The following NTN1 variants were observed in gnomAD, a reference collection of about 807,000 sequenced individuals.
NTN1 encodes netrin-1.
A neutral mutation model predicts 54.2 loss-of-function variants in NTN1; 11 were observed. The ratio of observed to expected loss-of-function variants is 0.20; its 90% confidence interval spans 0.13 to 0.34. The LOEUF (loss-of-function observed/expected upper bound fraction) is 0.34. NTN1 is among the 10% of genes least tolerant of loss of function. The pLI is 1.00. For missense variants in NTN1, 740 were observed against 893.1 expected, an observed-to-expected ratio of 0.83 and a Z score of 2.18; for synonymous variants, 371 against 382.0, an observed-to-expected ratio of 0.97 and a Z score of 0.33.
At chr17:9,080,145 CT>C (rs1321601251) in intron 2 of NTN1, among the ~76,000 whole-genome samples, 1 of 152,244 alleles carries the variant, frequency 6.6e-6, no homozygotes, top group Non-Finnish European at 1.5e-5. Context: ...TCCTTGCAGT[CT>C]CCCCAGTGTC....
chr17:9,171,349 C>T (rs3785974), intron 3 of NTN1: 14,822 of 152,268 alleles, frequency 0.097, 959 homozygotes, highest in East Asian at 0.21. Flanking sequence ...ACATGCCCCC[C>T]TCTCCCCACC....
intron 2 of NTN1, among the ~76,000 whole-genome samples, chr17:9,148,250 A>G (rs1597506069): frequency 6.6e-6 from 1 of 152,192 alleles, no homozygotes; most frequent in Non-Finnish European, 1.5e-5. Flanking sequence ...ATTCTTGTTC[A>G]GCAGATTGAG....
chr17:9,016,917 T>A (rs1294792247), upstream of NTN1, among the ~76,000 whole-genome samples: 1 of 152,214 alleles, frequency 6.6e-6, no homozygotes, highest in African/African-American at 2.4e-5. Context: ...CAAACTTCAA[T>A]AGGCCCTTTA....
At chr17:9,015,336 A>C in the NTN1 span, among the ~76,000 whole-genome samples, 5 of 152,060 alleles carry the variant, frequency 3.3e-5, no homozygotes, top group Admixed American at 3.3e-4. Flanking sequence ...GCTTGAACCC[A>C]GGAGGCAGAG....
intron 5 of NTN1, among the ~76,000 whole-genome samples, chr17:9,205,175 C>G (rs1011645151): frequency 6.6e-6 from 1 of 152,164 alleles, no homozygotes; most frequent in African/African-American, 2.4e-5. Context: ...GTGAACACCA[C>G]TTTATCTCCT....
At chr17:9,036,871 G>A (rs1024318308) in intron 2 of NTN1, among the ~76,000 whole-genome samples, 2 of 152,044 alleles carry the variant, frequency 1.3e-5, no homozygotes, top group African/African-American at 4.8e-5. Context: ...GACTGCTCAG[G>A]CTCTAACTGG....
chr17:9,193,920 T>TAAAAAAA (rs71361871), intron 5 of NTN1, among the ~76,000 whole-genome samples: 958 of 44,722 alleles, frequency 0.021, 113 homozygotes, highest in East Asian at 0.07. Context: ...AAACTCCGAC[T>TAAAAAAA]AAAAAAAAAA....
chr17:9,140,329 C>G (rs1389492361), intron 2 of NTN1, among the ~76,000 whole-genome samples: 1 of 152,188 alleles, frequency 6.6e-6, no homozygotes, highest in Non-Finnish European at 1.5e-5. Flanking sequence ...GCACCCCCTG[C>G]CCTGGTGCTG....
rs182682817 is a variant in NTN1 at position 9,135,718 on chromosome 17, C to A, written c.1019-27095C>A. ...CTCCAGGTTGAGGTTCTAGGGCTCC[C>A]TGGAGTAGGCCTGGTGGGGCACTTG... On this transcript the variant is annotated intron_variant, in intron 2 of 6. Coordinates refer to ENST00000173229, the MANE Select transcript of NTN1 (RefSeq NM_004822.3). This position sits in a 1 kb window ranked among gnomAD's most constrained non-coding sequence, Gnocchi z 4.4. Among the ~76,000 whole-genome samples the A allele has an allele frequency of 2.6e-5, 4 of 152,286 alleles. No homozygotes were observed. In the East Asian group the frequency reaches 7.7e-4, roughly 29 times the overall value.
At chr17:9,070,855 G>A (rs1483322453) in intron 2 of NTN1, among the ~76,000 whole-genome samples, 1 of 152,200 alleles carries the variant, frequency 6.6e-6, no homozygotes, top group Non-Finnish European at 1.5e-5. Flanking sequence ...GCCTCCCAAA[G>A]TGCTGGGATT....
chr17:9,128,682 G>A (rs2092254753), intron 2 of NTN1, among the ~76,000 whole-genome samples: 1 of 151,834 alleles, frequency 6.6e-6, no homozygotes, highest in Non-Finnish European at 1.5e-5. Context: ...TTGGTATACC[G>A]GGTCCCTGTG....
intron 5 of NTN1, among the ~76,000 whole-genome samples, chr17:9,201,221 G>A (rs1211333245): frequency 6.6e-6 from 1 of 152,148 alleles, no homozygotes; most frequent in African/African-American, 2.4e-5. Flanking sequence ...TCCTAGAGAT[G>A]GGAACTCCCT....
chr17:9,019,580 ATAT>A (rs2091839168), upstream of NTN1, among the ~76,000 whole-genome samples: 2 of 152,252 alleles, frequency 1.3e-5, no homozygotes, highest in East Asian at 3.8e-4. Flanking sequence ...ATCAGCTATA[ATAT>A]TCAAATGTGT....
intron 2 of NTN1, among the ~76,000 whole-genome samples, chr17:9,108,350 G>T (rs1230154048): frequency 6.6e-6 from 1 of 152,016 alleles, no homozygotes. Context: ...CCCAGGAAGG[G>T]GTGCCTCGTA....
rs201616482 is a variant in NTN1 at position 9,179,758 on chromosome 17, A to C, written c.1208-49A>C. On this transcript the variant is annotated intron_variant, in intron 3 of 6. Transcript: ENST00000173229. ...GGTAGGGAAGGCTCTGCGGGGATGC[A>C]CTGGCCGCTTCCCCCTTGTCTGACC... The C allele has an allele frequency of 6.3e-6, 10 of 1,587,168 alleles. No homozygotes were observed. The African/African-American group carries it at 8.0e-5, about 13-fold the overall frequency.
intron 6 of NTN1, among the ~76,000 whole-genome samples, chr17:9,237,906 G>C (rs376280498): frequency 1.8e-4 from 28 of 152,286 alleles, no homozygotes; most frequent in African/African-American, 5.5e-4. Flanking sequence ...ACATGGAAAC[G>C]GTTGCCATGG....
intron 2 of NTN1, among the ~76,000 whole-genome samples, chr17:9,050,127 G>T (rs2091955258): frequency 6.6e-6 from 1 of 151,284 alleles, no homozygotes. Context: ...GACGCCTGTA[G>T]TCCCAGCTAC....
chr17:9,145,637 C>G (rs112786196), intron 2 of NTN1, among the ~76,000 whole-genome samples: 64 of 152,282 alleles, frequency 4.2e-4, no homozygotes, highest in African/African-American at 1.5e-3. Context: ...GGGGTGTTGG[C>G]CAGGCACGGT....
chr17:9,041,642 G>T (rs747831907), intron 2 of NTN1, among the ~76,000 whole-genome samples: 4 of 152,036 alleles, frequency 2.6e-5, no homozygotes, highest in African/African-American at 4.8e-5. Context: ...TATGAGCATT[G>T]GTTTACAGGT....
Sources: allele counts gnomAD v4.1 joint callset (sites outside exome capture counted in the v4.1 genomes callset), GRCh38; gene constraint gnomAD v4.1.1; non-coding constraint Gnocchi (gnomAD v3.1); transcripts MANE v1.5; gene names NCBI Gene and HGNC (gene_info 2026-07-23, HGNC 2026-07-21).